The following NKAIN2 variants were observed in gnomAD, a reference collection of about 807,000 sequenced individuals.
NKAIN2 encodes the protein sodium/potassium transporting ATPase interacting 2.
In NKAIN2, 14 loss-of-function variants were observed where a neutral mutation model predicts 32.6. The ratio of observed to expected loss-of-function variants is 0.43; its 90% CI spans 0.28 to 0.67. The LOEUF is 0.67. Ranked by LOEUF, NKAIN2 falls within the 30% of genes least tolerant of loss-of-function variation. The pLI is 0.17. For missense variants in NKAIN2, 198 were observed against 258.3 expected, an observed-to-expected ratio of 0.77 and a Z score of 1.60; for synonymous variants, 80 against 87.2, an observed-to-expected ratio of 0.92 and a Z score of 0.46.
intron 3 of NKAIN2, among the ~76,000 whole-genome samples, chr6:124,521,100 C>T (rs1583379259): frequency 6.6e-6 from 1 of 152,150 alleles, no homozygotes; most frequent in Middle Eastern, 3.4e-3. Flanking sequence ...TTTATTTCCC[C>T]TTTTCCAATT....
chr6:124,474,619 T>C (rs1419932450), intron 3 of NKAIN2, among the ~76,000 whole-genome samples: 2 of 151,952 alleles, frequency 1.3e-5, no homozygotes, highest in African/African-American at 2.4e-5. Flanking sequence ...TCACCATGAC[T>C]AGCACATACT....
At chr6:124,362,087 A>G (rs577038275) in intron 3 of NKAIN2, among the ~76,000 whole-genome samples, 9 of 152,190 alleles carry the variant, frequency 5.9e-5, no homozygotes, top group African/African-American at 2.2e-4. Context: ...AGCAATTACT[A>G]TTAAACAAAG....
At chr6:124,328,496 T>G (rs1290068753) in intron 2 of NKAIN2, among the ~76,000 whole-genome samples, 1 of 152,190 alleles carries the variant, frequency 6.6e-6, no homozygotes, top group East Asian at 1.9e-4. Context: ...TTTCCACACA[T>G]GTATCAGCTA....
rs960912850 is a variant in NKAIN2, at chr6:124,789,999, G to A, written c.475-1340G>A. 7.9e-5 allele frequency among the ~76,000 whole-genome samples: 12 copies of A among 152,100 alleles called. No individual in the cohort carries two copies. In the East Asian group the frequency reaches 1.4e-3, roughly 17 times the overall value. On this transcript the variant is annotated intron_variant, in intron 4 of 6. Transcript: ENST00000368417. ...TCCTCCAGGATCTAAAAACAAAAGC[G>A]TTTGAAGACTGTGTTGCGTAAGTCT... is the stretch of plus-strand genomic sequence containing the variant.
At chr6:123,918,606 C>A (rs1482444483) in intron 1 of NKAIN2, among the ~76,000 whole-genome samples, 1 of 152,110 alleles carries the variant, frequency 6.6e-6, no homozygotes, top group Admixed American at 6.6e-5. Context: ...CTAGATATTT[C>A]TGTTAAGGTG....
At chr6:124,385,939 C>T (rs967772619) in intron 3 of NKAIN2, among the ~76,000 whole-genome samples, 8 of 152,114 alleles carry the variant, frequency 5.3e-5, no homozygotes, top group Non-Finnish European at 1.2e-4. Flanking sequence ...TAATCTCCAT[C>T]AAGTTTAAGA....
At chr6:124,555,107 T>G (rs1463896720) in intron 3 of NKAIN2, among the ~76,000 whole-genome samples, 1 of 152,212 alleles carries the variant, frequency 6.6e-6, no homozygotes, top group Non-Finnish European at 1.5e-5. Context: ...CTAGCATGTT[T>G]CCCAGCCAGA....
At chr6:124,243,841 A>G (rs1180156255) in intron 1 of NKAIN2, among the ~76,000 whole-genome samples, 1 of 152,152 alleles carries the variant, frequency 6.6e-6, no homozygotes, top group East Asian at 1.9e-4. Flanking sequence ...CGTTATATAC[A>G]GGAAATATTA....
At chr6:124,603,144 G>GA (rs1382706280) in intron 3 of NKAIN2, among the ~76,000 whole-genome samples, 2 of 151,726 alleles carry the variant, frequency 1.3e-5, no homozygotes, top group African/African-American at 2.4e-5. Context: ...CAGAAGAAGA[G>GA]AAAAAAACAT....
At chr6:124,774,370 G>A (rs1778897028) in intron 4 of NKAIN2, among the ~76,000 whole-genome samples, 1 of 152,170 alleles carries the variant, frequency 6.6e-6, no homozygotes. Context: ...ACAAGCTTGG[G>A]ACTTAACATC....
intron 1 of NKAIN2, among the ~76,000 whole-genome samples, chr6:124,019,122 AGAACAGCATGG>A (rs1403432242): frequency 5.3e-5 from 8 of 152,162 alleles, no homozygotes; most frequent in Admixed American, 2.0e-4. Context: ...CACTATCATG[AGAACAGCATGG>A]GAAAGACCCA....
At chr6:124,249,293 C>T (rs945676670) in intron 1 of NKAIN2, among the ~76,000 whole-genome samples, 1 of 151,966 alleles carries the variant, frequency 6.6e-6, no homozygotes, top group Non-Finnish European at 1.5e-5. Context: ...TTTCCTCTGT[C>T]GAAGTGAGTG....
Position 124,546,274 on chromosome 6 carries a change from C to T in NKAIN2, c.274-111912C>T, listed in dbSNP as rs1169058409. Among the ~76,000 whole-genome samples, 3 of 152,086 alleles carry T rather than the reference C, an allele frequency of 2.0e-5. No individual in the cohort carries two copies. In the East Asian group the frequency reaches 5.8e-4, roughly 29 times the overall value. ...TTCCTTTAGTTCCCAGATATGGTCC[C>T]TCAGTTCCCAAACATGGAAAGCAGT... On this transcript the variant is annotated intron_variant, in intron 3 of 6. Coordinates refer to ENST00000368417, the MANE Select transcript of NKAIN2 (RefSeq NM_001040214.3).
intron 1 of NKAIN2, among the ~76,000 whole-genome samples, chr6:124,245,276 C>T (rs921713005): frequency 8.5e-5 from 13 of 152,112 alleles, no homozygotes; most frequent in East Asian, 7.7e-4. Flanking sequence ...TTCAGTGTAT[C>T]GTAAATGTTC....
intron 1 of NKAIN2, among the ~76,000 whole-genome samples, chr6:124,178,796 G>A (rs1789293387): frequency 6.6e-6 from 1 of 152,130 alleles, no homozygotes; most frequent in Admixed American, 6.5e-5. Context: ...CACTTGACTG[G>A]CCAGTTTTGA....
intron 5 of NKAIN2, among the ~76,000 whole-genome samples, chr6:124,799,795 A>G (rs1330254263): frequency 6.6e-6 from 1 of 152,212 alleles, no homozygotes; most frequent in African/African-American, 2.4e-5. Flanking sequence ...GAAAGTAGTG[A>G]CATTTACAGA....
At chr6:124,344,583 T>C (rs927371368) in intron 2 of NKAIN2, among the ~76,000 whole-genome samples, 1 of 151,950 alleles carries the variant, frequency 6.6e-6, no homozygotes, top group Non-Finnish European at 1.5e-5. Context: ...TATTTTATTC[T>C]CTTTGAAGCA....
At chr6:124,326,281 G>T (rs1797408302) in intron 2 of NKAIN2, among the ~76,000 whole-genome samples, 2 of 149,142 alleles carry the variant, frequency 1.3e-5, no homozygotes, top group South Asian at 4.2e-4. Flanking sequence ...TTTTTATGGT[G>T]ATTTTACTTT....
chr6:124,019,054 G>A (rs1780734008), intron 1 of NKAIN2, among the ~76,000 whole-genome samples: 1 of 152,164 alleles, frequency 6.6e-6, no homozygotes, highest in Non-Finnish European at 1.5e-5. Context: ...TGGCAGGCAA[G>A]AGGGAGTGTG....
Sources: allele counts gnomAD v4.1 joint callset (sites outside exome capture counted in the v4.1 genomes callset), GRCh38; gene constraint gnomAD v4.1.1; transcripts MANE v1.5; gene names NCBI Gene and HGNC (gene_info 2026-07-23, HGNC 2026-07-21).